IFT80: variants seen among roughly 807,000 people sequenced by gnomAD.
The protein encoded by IFT80 is intraflagellar transport protein 80 homolog.
Under a neutral mutation model 107.9 loss-of-function variants are expected in IFT80, and 79 were observed. The observed-to-expected ratio is 0.73, with a 90% CI of 0.61 to 0.88. The LOEUF is 0.88. Ranked by LOEUF, IFT80 falls within the 40% of genes least tolerant of loss-of-function variation. The probability of loss-of-function intolerance (pLI) is 0.00; values close to 1 mark genes in which losing one functional copy is unlikely to be tolerated. For missense variants in IFT80, 797 were observed against 914.2 expected (o/e 0.87, Z 1.65); for synonymous variants, 299 against 300.9 (o/e 0.99, Z 0.07).
At chr3:160,288,054 T>C (rs1715231437) in intron 12 of IFT80, among the ~76,000 whole-genome samples, 1 of 152,172 alleles carries the variant, frequency 6.6e-6, no homozygotes. Context: ...TATTAAGAAA[T>C]ACAGCGCAGT....
At chr3:160,398,051 C>T (rs1240719743) in intron 1 of IFT80, among the ~76,000 whole-genome samples, 1 of 152,112 alleles carries the variant, frequency 6.6e-6, no homozygotes, top group Non-Finnish European at 1.5e-5. Context: ...AAAGATAATC[C>T]TTATATCTTC....
At chr3:160,392,406 T>A (rs1285529673) in intron 1 of IFT80, among the ~76,000 whole-genome samples, 1 of 152,198 alleles carries the variant, frequency 6.6e-6, no homozygotes, top group Non-Finnish European at 1.5e-5. Flanking sequence ...TATATCTATT[T>A]GACAACTCTA....
At position 160,280,692 on chromosome 3, in the gene IFT80, T is replaced by C. The variant is rs1473087700; in HGVS notation, c.1639A>G (p.Lys547Glu). ...CTTGCATCCCTTTCATATAATGTTT[T>C]AGGCAAAATGTCTCTGTCCACATAA... is the stretch of plus-strand genomic sequence containing the variant. ...TVYVDRDILP[K>E]TLYERDASEF... The change falls in exon 15 of 20, where the codon AAA (lysine) becomes GAA (glutamate). Residue 547 changes from lysine (K) to glutamate (E), a missense_variant. Lys to Glu is a moderately conservative substitution (Grantham distance 56). Transcript: ENST00000326448. The C allele has an allele frequency of 1.9e-6, 3 of 1,612,920 alleles. No individual in the cohort carries two copies. The highest frequency in any genetic ancestry group is 2.2e-5 in the South Asian group (2 of 91,048).
At chr3:160,292,476 T>C (rs1312437873) in intron 12 of IFT80, among the ~76,000 whole-genome samples, 1 of 67,860 alleles carries the variant, frequency 1.5e-5, no homozygotes, top group Non-Finnish European at 3.1e-5. Flanking sequence ...GAGAGATTCC[T>C]TTTTTTTTTT....
intron 8 of IFT80, among the ~76,000 whole-genome samples, chr3:160,340,620 C>T (rs1182837686): frequency 6.6e-6 from 1 of 152,210 alleles, no homozygotes; most frequent in Non-Finnish European, 1.5e-5. Flanking sequence ...TTGTGGTCCA[C>T]TTCCTTCACC....
rs957871856 is a variant in IFT80, at chr3:160,371,709, T to C, written c.439+4103A>G. 1.1e-4 allele frequency among the ~76,000 whole-genome samples: 16 copies of C among 152,166 alleles called. No homozygotes were observed. In the East Asian group the frequency reaches 1.3e-3, roughly 13 times the overall value. On this transcript the variant is annotated intron_variant, in intron 5 of 19. Transcript: ENST00000326448. ...CTGCCCACTTCAGCCTCTCAAGTGT[T>C]GAGATTACAGGCATGAGCCACTGTG...
intron 3 of IFT80, among the ~76,000 whole-genome samples, chr3:160,381,265 T>TATATATA (rs1559971346): frequency 2.2e-4 from 30 of 135,218 alleles, no homozygotes; most frequent in Non-Finnish European, 2.8e-4. Flanking sequence ...TATATATATA[T>TATATATA]TAAAGCCAAA....
intron 8 of IFT80, among the ~76,000 whole-genome samples, chr3:160,335,013 G>A: frequency 6.6e-6 from 1 of 151,706 alleles, no homozygotes; most frequent in East Asian, 1.9e-4. Flanking sequence ...CTTTTTAGTG[G>A]AAAGAAATAG....
chr3:160,266,234 TG>T (rs1455331520), intron 19 of IFT80, among the ~76,000 whole-genome samples: 1 of 152,060 alleles, frequency 6.6e-6, no homozygotes, highest in Admixed American at 6.6e-5. Flanking sequence ...TATTATATTT[TG>T]GTAACAGTTG....
chr3:160,320,075 A>ACCTATT, intron 8 of IFT80, 136 bp from the exon 9 acceptor site: 4 of 673,624 alleles, frequency 5.9e-6, no homozygotes, highest in South Asian at 1.9e-5. Flanking sequence ...TTTCTTAATA[A>ACCTATT]AATTATAGTG....
chr3:160,294,118 C>A (rs926405347), intron 12 of IFT80, among the ~76,000 whole-genome samples: 3 of 152,186 alleles, frequency 2.0e-5, no homozygotes, highest in Non-Finnish European at 4.4e-5. Flanking sequence ...AAATTTTTAG[C>A]CAGTTGGTCA....
intron 8 of IFT80, among the ~76,000 whole-genome samples, chr3:160,341,016 C>CTTTTTTTTT (rs11373101): frequency 2.7e-5 from 4 of 149,506 alleles, no homozygotes; most frequent in Non-Finnish European, 4.5e-5. Context: ...TTTTTACTAC[C>CTTTTTTTTT]TTTTTTTTTT....
At chr3:160,376,199 C>T (rs892405900) in intron 4 of IFT80, among the ~76,000 whole-genome samples, 2 of 152,152 alleles carry the variant, frequency 1.3e-5, no homozygotes, top group African/African-American at 4.8e-5. Context: ...TTTGTCACTG[C>T]AGTCTCCATC....
intron 8 of IFT80, among the ~76,000 whole-genome samples, chr3:160,324,240 G>A (rs1559940181): frequency 1.3e-5 from 2 of 152,010 alleles, no homozygotes; most frequent in African/African-American, 2.4e-5. Flanking sequence ...AACTATTCCA[G>A]TCAATAGAAA....
intron 12 of IFT80, among the ~76,000 whole-genome samples, chr3:160,296,432 A>C (rs1715989394): frequency 6.6e-6 from 1 of 151,600 alleles, no homozygotes; most frequent in South Asian, 2.1e-4. Flanking sequence ...CACCCCTACC[A>C]CTTTCTTTAC....
chr3:160,344,374 G>A (rs746529888), intron 8 of IFT80, among the ~76,000 whole-genome samples: 1 of 152,064 alleles, frequency 6.6e-6, no homozygotes, highest in African/African-American at 2.4e-5. Context: ...ATGGTGCTGG[G>A]AAGACAGGAT....
At chr3:160,293,748 G>A (rs1215793243) in intron 12 of IFT80, among the ~76,000 whole-genome samples, 2 of 152,168 alleles carry the variant, frequency 1.3e-5, no homozygotes, top group African/African-American at 4.8e-5. Flanking sequence ...CCAATCTCAT[G>A]TTCAGAGGGT....
At chr3:160,384,425 T>C in intron 2 of IFT80, 139 bp downstream of exon 2, 1 of 1,365,132 alleles carries the variant, frequency 7.3e-7, no homozygotes, top group African/African-American at 1.5e-5. Context: ...TCTTAAATAC[T>C]TTAAAACAAT....
chr3:160,260,140 T>C (rs1415528190), intron 19 of IFT80, among the ~76,000 whole-genome samples: 4 of 152,196 alleles, frequency 2.6e-5, no homozygotes, highest in African/African-American at 9.6e-5. Context: ...CTCACCTTTA[T>C]TTAAAATAAC....
Sources: allele counts gnomAD v4.1 joint callset (sites outside exome capture counted in the v4.1 genomes callset), GRCh38; gene constraint gnomAD v4.1.1; transcripts MANE v1.5; gene names NCBI Gene and HGNC (gene_info 2026-07-23, HGNC 2026-07-21).